The following SYCP2L variants were observed in gnomAD, a reference collection of about 807,000 sequenced individuals.
SYCP2L encodes synaptonemal complex protein 2-like.
SYCP2L carries 98 observed loss-of-function variants against 125.8 expected under a neutral mutation model. The observed-to-expected ratio is 0.78, with a 90% CI of 0.66 to 0.92. SYCP2L has a LOEUF of 0.92. SYCP2L is among the 40% of genes least tolerant of loss of function. The pLI, the probability that SYCP2L is intolerant of heterozygous loss-of-function variation, is 0.00. For missense variants in SYCP2L, 842 were observed against 936.4 expected (o/e 0.90, Z 1.32); for synonymous variants, 317 against 325.4 (o/e 0.97, Z 0.28).
chr6:10,949,539 A>G (rs1293809027), intron 23 of SYCP2L, among the ~76,000 whole-genome samples: 2 of 152,138 alleles, frequency 1.3e-5, no homozygotes, highest in Non-Finnish European at 1.5e-5. Context: ...TGAAAACGGT[A>G]TCCAAATTTC....
Position 10,924,523 on chromosome 6 carries a change from T to C in SYCP2L, c.1100T>C (p.Ile367Thr), listed in dbSNP as rs148762988. Residue 367 changes from isoleucine to threonine, a missense_variant, in exon 15 of 30, where the codon ATT (isoleucine) becomes ACT (threonine). Ile to Thr is a moderately conservative substitution (Grantham distance 89). Coordinates refer to ENST00000283141, the MANE Select transcript of SYCP2L (RefSeq NM_001040274.3). ...TETEKIKIFIIYLKKPMIISY... is the reference protein window; with the variant it reads ...TETEKIKIFITYLKKPMIISY... ...ACGGAGAAGATAAAGATATTTATCA[T>C]TTACCTGAAGAAGCCCATGATTATC... The C allele has an allele frequency of 3.9e-3, 6,137 of 1,590,632 alleles. 18 individuals carry two copies. The highest frequency in any genetic ancestry group is 4.9e-3 in the Non-Finnish European group (5,730 of 1,173,364).
chr6:10,947,810 G>A (rs771628811), intron 23 of SYCP2L, among the ~76,000 whole-genome samples: 1 of 151,884 alleles, frequency 6.6e-6, no homozygotes, highest in African/African-American at 2.4e-5. Flanking sequence ...CTGCATCCTT[G>A]TCTTTTTTCT....
intron 23 of SYCP2L, among the ~76,000 whole-genome samples, chr6:10,952,240 G>C (rs1781424446): frequency 6.6e-6 from 1 of 152,310 alleles, no homozygotes; most frequent in African/African-American, 2.4e-5. Context: ...ATGAAGTGCT[G>C]GTTCTTGTGC....
At chr6:10,930,598 G>A in intron 19 of SYCP2L, 84 bp downstream of exon 19, 1 of 1,453,314 alleles carries the variant, frequency 6.9e-7, no homozygotes, top group Non-Finnish European at 9.3e-7. Flanking sequence ...TATAATGGGA[G>A]TGGGTCCAAA....
intron 23 of SYCP2L, among the ~76,000 whole-genome samples, chr6:10,953,493 T>C (rs1260121393): frequency 1.3e-5 from 2 of 152,232 alleles, no homozygotes; most frequent in Non-Finnish European, 2.9e-5. Flanking sequence ...GCTTGTGATG[T>C]TTCTCTACCT....
rs1294748915 is a variant in SYCP2L, at chr6:10,956,116, G to T, written c.2057-20G>T. On this transcript the variant is annotated intron_variant, in intron 24 of 29. Coordinates refer to ENST00000283141, the MANE Select transcript of SYCP2L (RefSeq NM_001040274.3). ...GAACACTTTGTTAGTTTTATTCCAT[G>T]TTTTGTTTTTGTTTTCCAGAAGGAA... 1 of 1,584,462 alleles carries T rather than the reference G, an allele frequency of 6.3e-7. No individual in the cohort carries two copies. The highest frequency in any genetic ancestry group is 8.7e-7 in the Non-Finnish European group (1 of 1,154,622).
chr6:10,941,261 A>G (rs961628158), intron 21 of SYCP2L, among the ~76,000 whole-genome samples: 1 of 152,202 alleles, frequency 6.6e-6, no homozygotes, highest in African/African-American at 2.4e-5. Context: ...TCGTGTCTAA[A>G]ACACCAAAAG....
chr6:10,909,948 T>G (rs1780576230), intron 10 of SYCP2L, among the ~76,000 whole-genome samples, 200 bp from the exon 11 acceptor site: 1 of 152,232 alleles, frequency 6.6e-6, no homozygotes, highest in African/African-American at 2.4e-5. Flanking sequence ...CAAAGGTTCC[T>G]TCTGGAAACA....
chr6:10,918,813 C>A (rs377135078), intron 14 of SYCP2L, among the ~76,000 whole-genome samples: 8 of 152,180 alleles, frequency 5.3e-5, no homozygotes, highest in South Asian at 2.1e-4. Context: ...GGATTACAGG[C>A]GTGAGCTACC....
chr6:10,919,476 T>A (rs976027497), intron 14 of SYCP2L, among the ~76,000 whole-genome samples: 2 of 152,078 alleles, frequency 1.3e-5, no homozygotes. Context: ...CTGATGGAGG[T>A]GGCAGTGGGG....
intron 8 of SYCP2L, among the ~76,000 whole-genome samples, chr6:10,905,188 G>C (rs919830689): frequency 6.8e-6 from 1 of 146,274 alleles, no homozygotes; most frequent in African/African-American, 2.5e-5. Flanking sequence ...ACTCACACTT[G>C]TTAGCATTTA....
Position 10,902,657 on chromosome 6 carries a change from C to A in SYCP2L, c.467-20C>A, listed in dbSNP as rs2113301409. ...TACTCTTCCAAACATAAATTTGATG[C>A]TTTGAAATTATACTTTCAGGGAAAA... On this transcript the variant is annotated intron_variant, in intron 6 of 29. Coordinates refer to ENST00000283141, the MANE Select transcript of SYCP2L (RefSeq NM_001040274.3). The A allele has an allele frequency of 6.2e-7, 1 of 1,602,052 alleles. No individual in the cohort carries two copies. The highest frequency in any genetic ancestry group is 8.5e-7 in the Non-Finnish European group (1 of 1,170,068).
At chr6:10,930,298 G>A in intron 18 of SYCP2L, 72 bp from the exon 19 acceptor site, 1 of 1,483,862 alleles carries the variant, frequency 6.7e-7, no homozygotes, top group Non-Finnish European at 9.1e-7. Flanking sequence ...TAGCTTTGTA[G>A]AATATGTTTA....
chr6:10,917,078 G>A (rs1044648356), intron 14 of SYCP2L, among the ~76,000 whole-genome samples: 4 of 152,180 alleles, frequency 2.6e-5, no homozygotes, highest in Non-Finnish European at 4.4e-5. Flanking sequence ...GTCTATCTTG[G>A]AGAAAGTTCC....
At chr6:10,921,951 C>T (rs1298767358) in intron 14 of SYCP2L, among the ~76,000 whole-genome samples, 2 of 152,128 alleles carry the variant, frequency 1.3e-5, no homozygotes, top group Admixed American at 1.3e-4. Flanking sequence ...CGTGATCTGC[C>T]CGCCTCGGCC....
At chr6:10,907,902 T>TTTTTTTTTTTTTTTTTTTTTTTTTG (rs1780528998) in intron 10 of SYCP2L, among the ~76,000 whole-genome samples, 1 of 132,590 alleles carries the variant, frequency 7.5e-6, no homozygotes, top group African/African-American at 3.2e-5. Context: ...GTTTTTTTTT[T>TTTTTTTTTTTTTTTTTTTTTTTTTG]TTTTTTTTGA....
At chr6:10,931,252 A>T (rs1460151936) in intron 19 of SYCP2L, among the ~76,000 whole-genome samples, 188 bp from the exon 20 acceptor site, 1 of 152,184 alleles carries the variant, frequency 6.6e-6, no homozygotes, top group Non-Finnish European at 1.5e-5. Context: ...ATTCATGCTG[A>T]GTGGTGAGGA....
chr6:10,957,964 G>C (rs911917179), intron 25 of SYCP2L, among the ~76,000 whole-genome samples: 21 of 152,184 alleles, frequency 1.4e-4, no homozygotes, highest in Non-Finnish European at 2.2e-4. Flanking sequence ...AACCATTTCA[G>C]TCTTTTCCTT....
chr6:10,911,658 TTTC>T (rs1430040695), intron 12 of SYCP2L, among the ~76,000 whole-genome samples: 6 of 152,176 alleles, frequency 3.9e-5, no homozygotes, highest in African/African-American at 1.4e-4. Flanking sequence ...CTGTTTGGTT[TTTC>T]TTCTTTCTAT....
Sources: gnomAD v4.1 joint callset for allele counts (sites outside exome capture counted in the v4.1 genomes callset) on GRCh38, gnomAD v4.1.1 for gene constraint, MANE v1.5 for transcripts, NCBI Gene and HGNC (gene_info 2026-07-23, HGNC 2026-07-21) for gene names.